CEP128: variants seen among roughly 807,000 people sequenced by gnomAD.
CEP128 encodes the protein centrosomal protein 128, also known as centrosomal protein 128kDa.
In CEP128, 132 loss-of-function variants were observed where a neutral mutation model predicts 156.7. The ratio of observed to expected loss-of-function variants is 0.84; its 90% CI spans 0.73 to 0.97. The LOEUF (loss-of-function observed/expected upper bound fraction) is 0.97. CEP128 is among the 50% of genes least tolerant of loss of function. The pLI is 0.00. For missense variants in CEP128, 1,252 were observed against 1,281.9 expected (o/e 0.98, Z 0.36); for synonymous variants, 469 against 448.9 (o/e 1.04, Z -0.57).
intron 21 of CEP128, among the ~76,000 whole-genome samples, chr14:80,553,842 C>G (rs773094103): frequency 6.6e-6 from 1 of 152,098 alleles, no homozygotes; most frequent in Non-Finnish European, 1.5e-5. Flanking sequence ...TTTATATAAA[C>G]AAGAACAGTA....
intron 18 of CEP128, among the ~76,000 whole-genome samples, chr14:80,747,593 G>C (rs1426810076): frequency 1.3e-5 from 2 of 152,208 alleles, no homozygotes; most frequent in African/African-American, 4.8e-5. Context: ...CGGATTACAA[G>C]GTCAGGAGTT....
intron 19 of CEP128, among the ~76,000 whole-genome samples, chr14:80,713,674 T>A (rs1250353602): frequency 1.3e-5 from 2 of 152,232 alleles, no homozygotes; most frequent in East Asian, 1.9e-4. Flanking sequence ...CTCCCCTGTT[T>A]TGCACATAGT....
intron 19 of CEP128, among the ~76,000 whole-genome samples, chr14:80,736,690 G>A (rs1449771851): frequency 1.3e-5 from 2 of 152,022 alleles, no homozygotes; most frequent in African/African-American, 4.8e-5. Flanking sequence ...CAATAGAAGT[G>A]TTATAAATTT....
chr14:80,836,231 T>C lies in CEP128; in HGVS notation c.1031A>G (p.Gln344Arg). Residue 344 changes from glutamine (Q) to arginine (R), a missense_variant, in exon 12 of 25, where the codon CAA (glutamine) becomes CGA (arginine). By Grantham distance (43) the Gln-to-Arg change is conservative. Transcript: ENST00000555265. ...SKQQSNYQDEQGEDWRFRRGV... is the reference protein window; with the variant it reads ...SKQQSNYQDERGEDWRFRRGV... ...TCTCCTAAATCTCCAGTCCTCCCCT[T>C]GTTCATCCTGATAGTTTGACTGTTG... The C allele has an allele frequency of 6.2e-7, 1 of 1,614,072 alleles. No homozygotes were observed. Among genetic ancestry groups the C allele is most frequent in the Non-Finnish European group, 8.5e-7 (1 of 1,179,920 alleles).
At chr14:80,522,279 A>G (rs1450022212) in intron 23 of CEP128, among the ~76,000 whole-genome samples, 1 of 152,254 alleles carries the variant, frequency 6.6e-6, no homozygotes, top group Non-Finnish European at 1.5e-5. Flanking sequence ...AACAGCCATT[A>G]ATTGCTGTGA....
intron 9 of CEP128, among the ~76,000 whole-genome samples, chr14:80,845,925 C>A (rs759734751): frequency 1.3e-5 from 2 of 152,060 alleles, no homozygotes; most frequent in African/African-American, 2.4e-5. Flanking sequence ...TCAAGAAAAG[C>A]GTAACATAGA....
At chr14:80,808,756 G>A (rs1361808997) in intron 13 of CEP128, among the ~76,000 whole-genome samples, 2 of 151,590 alleles carry the variant, frequency 1.3e-5, no homozygotes, top group Admixed American at 6.6e-5. Context: ...TACCACTGAC[G>A]CTGTTTACAG....
chr14:80,602,368 A>G (rs983188936), intron 19 of CEP128, among the ~76,000 whole-genome samples: 1 of 152,216 alleles, frequency 6.6e-6, no homozygotes, highest in Non-Finnish European at 1.5e-5. Context: ...AACTAGACCT[A>G]ATAGTCATCT....
intron 13 of CEP128, among the ~76,000 whole-genome samples, chr14:80,827,159 C>A (rs971559121): frequency 1.3e-5 from 2 of 151,838 alleles, no homozygotes; most frequent in Non-Finnish European, 2.9e-5. Context: ...AGCAAAGGTC[C>A]CCTTAAATAC....
chr14:80,784,669 G>A lies in CEP128; in HGVS notation c.2211+226C>T, dbSNP rs562583789. Among the ~76,000 whole-genome samples, 17 of 152,252 alleles carry A rather than the reference G, an allele frequency of 1.1e-4. No individual in the cohort carries two copies. The South Asian group carries it at 1.2e-3, about 11-fold the overall frequency. Reference sequence around the variant, plus strand: ...TCCTGAACTCCCCAAACAGCTAAACGTTCTTTATAAAGGGCTTCAATGCTC... The same window carrying A: ...TCCTGAACTCCCCAAACAGCTAAACATTCTTTATAAAGGGCTTCAATGCTC... On this transcript the variant is annotated intron_variant, in intron 15 of 24. Coordinates refer to ENST00000555265, the MANE Select transcript of CEP128 (RefSeq NM_152446.5).
rs143863756 is a variant in CEP128 at position 80,617,894 on chromosome 14, G to A, written c.2807-37471C>T. Among the ~76,000 whole-genome samples, 40 of 152,290 alleles carry A rather than the reference G, an allele frequency of 2.6e-4. No homozygotes were observed. The East Asian group carries it at 7.5e-3, about 29-fold the overall frequency. ...TTTGGTTAAACTATAAGCTCTATCG[G>A]GCTGCATGGGTTCAAATCCCACTTC... is the stretch of plus-strand genomic sequence containing the variant. On this transcript the variant is annotated intron_variant, in intron 19 of 24. Coordinates refer to ENST00000555265, the MANE Select transcript of CEP128 (RefSeq NM_152446.5).
chr14:80,752,457 A>T (rs965856018), intron 18 of CEP128, among the ~76,000 whole-genome samples: 5 of 152,232 alleles, frequency 3.3e-5, no homozygotes, highest in Non-Finnish European at 7.3e-5. Context: ...CTTTTGCTCA[A>T]TTAACTGAAT....
At chr14:80,495,751 T>G (rs1887472245), downstream of CEP128, among the ~76,000 whole-genome samples, 1 of 152,144 alleles carries the variant, frequency 6.6e-6, no homozygotes, top group African/African-American at 2.4e-5. Context: ...AAGGCCCTAC[T>G]AATACATAAA....
At chr14:80,635,231 G>A (rs959683882) in intron 19 of CEP128, among the ~76,000 whole-genome samples, 2 of 151,942 alleles carry the variant, frequency 1.3e-5, no homozygotes, top group Non-Finnish European at 2.9e-5. Context: ...GTTCTCCTTG[G>A]AGTCCATACT....
intron 23 of CEP128, among the ~76,000 whole-genome samples, chr14:80,520,529 T>C (rs1182222001): frequency 6.6e-6 from 1 of 152,234 alleles, no homozygotes; most frequent in African/African-American, 2.4e-5. Flanking sequence ...CTAGTTTTCA[T>C]AATAGGACTA....
chr14:80,741,745 T>C (rs1487603508), intron 19 of CEP128, among the ~76,000 whole-genome samples: 1 of 152,196 alleles, frequency 6.6e-6, no homozygotes, highest in Non-Finnish European at 1.5e-5. Context: ...GTTTCTAAGA[T>C]GGTAAAGAGA....
In CEP128 at chr14:80,785,281, T is replaced by TA; in HGVS notation, c.1824_1825insT (p.Lys609Ter). ...GCAATTTCTTCCTCCAAGTGAGCTT[T>TA]CTCAACTTTCATCTGGCTTTGGATC... On this transcript the variant is annotated frameshift_variant, in exon 15 of 25. Transcript: ENST00000555265. LOFTEE classifies it high-confidence loss of function. 6.2e-7 allele frequency: 1 copy of TA among 1,614,206 alleles called. No homozygotes were observed. The highest frequency in any genetic ancestry group is 8.5e-7 in the Non-Finnish European group (1 of 1,180,034).
intron 19 of CEP128, among the ~76,000 whole-genome samples, chr14:80,724,629 C>A (rs1023950052): frequency 2.0e-5 from 3 of 151,986 alleles, no homozygotes; most frequent in African/African-American, 7.2e-5. Flanking sequence ...AAGACACATA[C>A]TAGAAAAAGA....
At chr14:80,736,145 C>T (rs941931788) in intron 19 of CEP128, among the ~76,000 whole-genome samples, 2 of 151,944 alleles carry the variant, frequency 1.3e-5, no homozygotes, top group African/African-American at 4.8e-5. Flanking sequence ...CATTACAACA[C>T]ACCATCAAAG....
Sources: gnomAD v4.1 joint callset for allele counts (sites outside exome capture counted in the v4.1 genomes callset) on GRCh38, gnomAD v4.1.1 for gene constraint, MANE v1.5 for transcripts, NCBI Gene and HGNC (gene_info 2026-07-23, HGNC 2026-07-21) for gene names.